Variants in PACS1 observed in about 807,000 individuals in gnomAD.
The protein encoded by PACS1 is phosphofurin acidic cluster sorting protein 1, also known as PACS-1.
In PACS1, 24 loss-of-function variants were observed where a neutral mutation model predicts 115.0. The observed-to-expected ratio is 0.21, with a 90% CI of 0.15 to 0.29. The LOEUF (loss-of-function observed/expected upper bound fraction) is 0.29, where lower values mean the gene tolerates loss of function less well. Ranked by LOEUF, PACS1 falls within the 10% of genes least tolerant of loss-of-function variation. The pLI is 1.00. For missense variants in PACS1, 838 were observed against 1,251.2 expected, an observed-to-expected ratio of 0.67 and a Z score of 4.98; for synonymous variants, 453 against 504.5, an observed-to-expected ratio of 0.90 and a Z score of 1.37.
intron 1 of PACS1, among the ~76,000 whole-genome samples, chr11:66,099,262 C>T (rs192436164): frequency 4.5e-4 from 69 of 152,188 alleles, no homozygotes; most frequent in African/African-American, 1.4e-3. Context: ...GTCGCTCTGT[C>T]GCCCAGGCTG....
At chr11:66,238,717 T>C in intron 19 of PACS1, 87 bp from the exon 20 acceptor site, 1 of 1,203,052 alleles carries the variant, frequency 8.3e-7, no homozygotes, top group Non-Finnish European at 1.2e-6. Flanking sequence ...TAGTGATGGC[T>C]CTTGTGCCAC....
chr11:66,163,766 C>A (rs1439895270), intron 1 of PACS1, among the ~76,000 whole-genome samples: 1 of 152,022 alleles, frequency 6.6e-6, no homozygotes, highest in African/African-American at 2.4e-5. Context: ...CTGTTTGTTT[C>A]TAAAGCAAAA....
Position 66,070,748 on chromosome 11 carries a change from G to T in PACS1, c.262G>T (p.Gly88Cys). ...GGTGGCCTCGGGCTCCGCGCCTCCC[G>T]GTGGCCCGGGGCCAGGCCGCACCCC... ...VAVASGSAPP[G>C]GPGPGRTPAP... is the part of the protein sequence containing the mutation. Residue 88 changes from glycine to cysteine, a missense_variant, in exon 1 of 24, where the codon GGT (glycine) becomes TGT (cysteine). By Grantham distance (159) the Gly-to-Cys change is radical. Transcript: ENST00000320580. This position sits in a 1 kb window ranked among gnomAD's most constrained non-coding sequence, Gnocchi z 5.9. 3 of 1,556,056 alleles carry T rather than the reference G, an allele frequency of 1.9e-6. No individual in the cohort carries two copies. Among genetic ancestry groups the T allele is most frequent in the Non-Finnish European group, 2.6e-6 (3 of 1,159,040 alleles).
chr11:66,240,366 G>C (rs1391250982), intron 21 of PACS1, among the ~76,000 whole-genome samples: 1 of 152,168 alleles, frequency 6.6e-6, no homozygotes, highest in African/African-American at 2.4e-5. Context: ...AGCAGGCGTG[G>C]TCAGCGCTGG....
chr11:66,239,287 C>T lies in PACS1; in HGVS notation c.2429+10C>T, dbSNP rs1205474554. 1.9e-6 allele frequency: 3 copies of T among 1,604,370 alleles called. No individual in the cohort carries two copies. The highest frequency in any genetic ancestry group is 2.7e-5 in the African/African-American group (2 of 74,810). On this transcript the variant is annotated intron_variant, in intron 21 of 23. Coordinates refer to ENST00000320580, the MANE Select transcript of PACS1 (RefSeq NM_018026.4). ...CCCTGGCCATCGTGGGGTAAGGCTC[C>T]TGCCCGTACCTGTCCTGCCATGCCC...
chr11:66,201,198 G>A (rs1274929370), intron 2 of PACS1, among the ~76,000 whole-genome samples: 1 of 151,626 alleles, frequency 6.6e-6, no homozygotes. Context: ...CAACCTGGGT[G>A]ACAGAGTGAG....
rs1190514675 is a variant in PACS1, at chr11:66,173,445, C to T, written c.357-20041C>T. 2.6e-5 allele frequency among the ~76,000 whole-genome samples: 4 copies of T among 152,214 alleles called. 1 individual carries two copies. The highest frequency in any genetic ancestry group is 4.1e-4 in the South Asian group (2 of 4,830). ...ACACTCAGCCGGGCGCAGTGGCTCA[C>T]GCCTGTAATCCTAGCACTTTGGGAG... On this transcript the variant is annotated intron_variant, in intron 1 of 23. Coordinates refer to ENST00000320580, the MANE Select transcript of PACS1 (RefSeq NM_018026.4).
At chr11:66,095,397 C>A (rs1857757364) in intron 1 of PACS1, among the ~76,000 whole-genome samples, 3 of 151,002 alleles carry the variant, frequency 2.0e-5, no homozygotes, top group African/African-American at 7.4e-5. Flanking sequence ...TTCTTACACA[C>A]CAATAACAGA....
At chr11:66,232,364 G>A (rs1034053878) in intron 14 of PACS1, 88 bp downstream of exon 14, 19 of 725,694 alleles carry the variant, frequency 2.6e-5, no homozygotes, top group South Asian at 8.2e-5. Context: ...ATACTATTGC[G>A]TGGGGAGGTG....
At chr11:66,159,151 G>A (rs1344492781) in intron 1 of PACS1, among the ~76,000 whole-genome samples, 1 of 152,026 alleles carries the variant, frequency 6.6e-6, no homozygotes, top group Admixed American at 6.6e-5. Flanking sequence ...GAAATGCAGG[G>A]TCTCGGCCGG....
intron 1 of PACS1, among the ~76,000 whole-genome samples, chr11:66,164,275 C>G (rs1286864529): frequency 6.6e-6 from 1 of 151,984 alleles, no homozygotes; most frequent in African/African-American, 2.4e-5. Context: ...TCACTCAAGT[C>G]TCGTTACAGA....
rs1311745791 is a variant in PACS1 at position 66,232,947 on chromosome 11, C to G, written c.1732-13C>G. On this transcript the variant is annotated splice_polypyrimidine_tract_variant and intron_variant, in intron 14 of 23. Transcript: ENST00000320580. ...CTCACCTGTGTCCCTGCTCTCCTCC[C>G]TCCCTATCCCAGTATGTGGCTGAGC... is the stretch of plus-strand genomic sequence containing the variant. The G allele has an allele frequency of 6.3e-7, 1 of 1,599,910 alleles. No homozygotes were observed. The highest frequency in any genetic ancestry group is 8.6e-7 in the Non-Finnish European group (1 of 1,168,202).
At chr11:66,153,557 G>A (rs530704843) in intron 1 of PACS1, among the ~76,000 whole-genome samples, 9 of 152,172 alleles carry the variant, frequency 5.9e-5, no homozygotes, top group East Asian at 5.8e-4. Context: ...TCAGGTGGGC[G>A]GATCACGAAA....
At chr11:66,230,999 C>T (rs1034398083) in intron 13 of PACS1, 59 bp downstream of exon 13, 21 of 1,601,110 alleles carry the variant, frequency 1.3e-5, no homozygotes, top group Non-Finnish European at 1.8e-5. Context: ...ACTTCAGGCT[C>T]TGTTTTGTTG....
chr11:66,176,663 C>T (rs1324837846), intron 1 of PACS1, among the ~76,000 whole-genome samples: 1 of 152,150 alleles, frequency 6.6e-6, no homozygotes, highest in African/African-American at 2.4e-5. Flanking sequence ...ATCCGCCTGC[C>T]TCCGCCTCCC....
chr11:66,238,077 G>C, intron 19 of PACS1: 1 of 985,388 alleles, frequency 1.0e-6, no homozygotes, highest in Non-Finnish European at 1.2e-6. Context: ...TGCTCACCTA[G>C]TCTGTGGCTG....
At chr11:66,130,202 A>G (rs1042386432) in intron 1 of PACS1, among the ~76,000 whole-genome samples, 8 of 152,164 alleles carry the variant, frequency 5.3e-5, no homozygotes, top group African/African-American at 1.2e-4. Flanking sequence ...GACAAATGCC[A>G]TGGTCAAAGT....
At chr11:66,238,413 C>A in intron 19 of PACS1, 1 of 881,962 alleles carries the variant, frequency 1.1e-6, no homozygotes, top group Non-Finnish European at 1.4e-6. Context: ...CTCATTGTTG[C>A]AACTAGGTTT....
intron 2 of PACS1, among the ~76,000 whole-genome samples, chr11:66,195,664 G>C (rs939981736): frequency 1.3e-5 from 2 of 152,166 alleles, no homozygotes; most frequent in Non-Finnish European, 2.9e-5. Flanking sequence ...CTTCCAAGCA[G>C]CTGAAAGTAA....
Sources: gnomAD v4.1 joint callset for allele counts (sites outside exome capture counted in the v4.1 genomes callset) on GRCh38, gnomAD v4.1.1 for gene constraint, Gnocchi (gnomAD v3.1) non-coding constraint, MANE v1.5 for transcripts, NCBI Gene and HGNC (gene_info 2026-07-23, HGNC 2026-07-21) for gene names.